Variants in LAMA2 observed in about 807,000 individuals in gnomAD.
LAMA2 encodes the protein laminin subunit alpha-2.
A neutral mutation model predicts 364.8 loss-of-function variants in LAMA2; 269 were observed. The ratio of observed to expected loss-of-function variants is 0.74; its 90% CI spans 0.67 to 0.82. The LOEUF (loss-of-function observed/expected upper bound fraction) is 0.82, where lower values mean the gene tolerates loss of function less well. Ranked by LOEUF, LAMA2 falls within the 40% of genes least tolerant of loss-of-function variation. The probability of loss-of-function intolerance (pLI) is 0.00; values close to 1 mark genes in which losing one functional copy is unlikely to be tolerated. For synonymous variants in LAMA2, 1,379 were observed against 1,370.6 expected (o/e 1.01, Z -0.14); for missense variants, 3,807 against 3,873.2 (o/e 0.98, Z 0.45).
intron 15 of LAMA2, among the ~76,000 whole-genome samples, chr6:129,264,725 T>C (rs569637392): frequency 2.6e-5 from 4 of 152,064 alleles, no homozygotes; most frequent in African/African-American, 9.6e-5. Context: ...AAAGAAATTG[T>C]GGGAGGAAAA....
At chr6:129,483,250 C>A (rs1467578487) in intron 55 of LAMA2, among the ~76,000 whole-genome samples, 1 of 151,230 alleles carries the variant, frequency 6.6e-6, no homozygotes, top group Non-Finnish European at 1.5e-5. Flanking sequence ...ACAAGTATTC[C>A]TGATTTAAAA....
At chr6:128,893,610 A>C (rs1268225594) in intron 1 of LAMA2, among the ~76,000 whole-genome samples, 1 of 151,990 alleles carries the variant, frequency 6.6e-6, no homozygotes, top group South Asian at 2.1e-4. Context: ...AGTAGCAAAG[A>C]GTAAGTATTC....
chr6:129,365,673 T>C (rs1777727792), intron 32 of LAMA2, among the ~76,000 whole-genome samples: 1 of 58,294 alleles, frequency 1.7e-5, no homozygotes, highest in Admixed American at 1.7e-4. Flanking sequence ...TTCTTTAGAC[T>C]TTTTTTTTTT....
chr6:129,457,839 T>C (rs534083417), intron 48 of LAMA2, among the ~76,000 whole-genome samples: 2 of 152,230 alleles, frequency 1.3e-5, no homozygotes, highest in East Asian at 3.9e-4. Context: ...CAGTTTTTCA[T>C]AGAAGGAGGC....
chr6:128,922,005 G>A (rs1052834496), intron 1 of LAMA2, among the ~76,000 whole-genome samples: 6 of 151,890 alleles, frequency 4.0e-5, no homozygotes, highest in Admixed American at 2.0e-4. Context: ...ATGATTTCCA[G>A]TTTCATCCAT....
In LAMA2 at chr6:129,427,838, A is replaced by AGCAAATGAT. The variant is rs1554295259; in HGVS notation, c.5954_5962dup (p.Ala1985_Asp1987dup). On this transcript the variant is annotated inframe_insertion, in exon 41 of 65. Coordinates refer to ENST00000421865, the MANE Select transcript of LAMA2 (RefSeq NM_000426.4). ...GGATTCTTAACGAAGCCAAGAAGTT[A>AGCAAATGAT]GCAAATGATGTAAAAGGTCAGTGTG... 4 of 1,612,052 alleles carry AGCAAATGAT rather than the reference A, an allele frequency of 2.5e-6. No individual in the cohort carries two copies.
intron 8 of LAMA2, among the ~76,000 whole-genome samples, chr6:129,159,758 C>T (rs567481189): frequency 6.6e-6 from 1 of 152,284 alleles, no homozygotes; most frequent in Non-Finnish European, 1.5e-5. Flanking sequence ...CACCCTTTAT[C>T]AGATTCAGTA....
intron 4 of LAMA2, among the ~76,000 whole-genome samples, chr6:129,105,925 A>G (rs1431897893): frequency 1.3e-5 from 2 of 152,164 alleles, no homozygotes. Flanking sequence ...TTGGATTGTC[A>G]CTAGACTGCT....
At chr6:129,357,023 G>T (rs1466003391) in intron 32 of LAMA2, among the ~76,000 whole-genome samples, 1 of 151,996 alleles carries the variant, frequency 6.6e-6, no homozygotes, top group Non-Finnish European at 1.5e-5. Flanking sequence ...GTTCTGAAGA[G>T]ATATTTTATT....
At chr6:129,174,578 C>T (rs1423443461) in intron 9 of LAMA2, among the ~76,000 whole-genome samples, 1 of 151,934 alleles carries the variant, frequency 6.6e-6, no homozygotes, top group Non-Finnish European at 1.5e-5. Flanking sequence ...CTTGAATTTA[C>T]ATGAAGTTAT....
chr6:128,904,465 T>TA (rs1156520740), intron 1 of LAMA2, among the ~76,000 whole-genome samples: 1 of 149,034 alleles, frequency 6.7e-6, no homozygotes, highest in Non-Finnish European at 1.5e-5. Context: ...TTTTTTTTTT[T>TA]TTTTTTTAAG....
At chr6:129,094,747 A>T (rs546845535) in intron 3 of LAMA2, among the ~76,000 whole-genome samples, 6 of 152,230 alleles carry the variant, frequency 3.9e-5, no homozygotes, top group African/African-American at 1.4e-4. Flanking sequence ...TGGAATATTT[A>T]CCTAGATTCT....
chr6:129,316,379 G>GA (rs564020680), intron 27 of LAMA2, among the ~76,000 whole-genome samples: 84 of 150,656 alleles, frequency 5.6e-4, no homozygotes, highest in African/African-American at 1.8e-3. Context: ...ACGTTAAAGG[G>GA]AAAAAAAAAT....
intron 29 of LAMA2, among the ~76,000 whole-genome samples, chr6:129,338,347 C>T (rs970949110): frequency 3.9e-5 from 6 of 152,204 alleles, no homozygotes; most frequent in African/African-American, 1.2e-4. Context: ...CCCCAGTTAA[C>T]ACTTATTCAT....
chr6:129,164,781 G>A (rs944691649), intron 8 of LAMA2, among the ~76,000 whole-genome samples: 1 of 152,168 alleles, frequency 6.6e-6, no homozygotes, highest in African/African-American at 2.4e-5. Flanking sequence ...AAAGGGATCA[G>A]TTAAGGCTGG....
At chr6:129,196,021 A>T (rs2115041838) in intron 12 of LAMA2, among the ~76,000 whole-genome samples, 1 of 152,328 alleles carries the variant, frequency 6.6e-6, no homozygotes, top group African/African-American at 2.4e-5. Context: ...CTGCATTACC[A>T]TTAAGGTTTG....
At chr6:129,267,249 T>C (rs773100289) in intron 16 of LAMA2, 30 bp downstream of exon 16, 4 of 1,415,700 alleles carry the variant, frequency 2.8e-6, no homozygotes, top group Admixed American at 3.4e-5. Flanking sequence ...GGGATGCTGA[T>C]TGACAAGGCT....
At chr6:128,904,623 T>A (rs1777304253) in intron 1 of LAMA2, among the ~76,000 whole-genome samples, 1 of 151,906 alleles carries the variant, frequency 6.6e-6, no homozygotes, top group Non-Finnish European at 1.5e-5. Context: ...CCTGGCTAAT[T>A]TATTCTTGTA....
intron 29 of LAMA2, among the ~76,000 whole-genome samples, chr6:129,331,350 C>G (rs1775640725): frequency 6.6e-6 from 1 of 151,938 alleles, no homozygotes; most frequent in Non-Finnish European, 1.5e-5. Flanking sequence ...TTCATACCTC[C>G]CCCTCCATCC....
Sources: gnomAD v4.1 joint callset for allele counts (sites outside exome capture counted in the v4.1 genomes callset) on GRCh38, gnomAD v4.1.1 for gene constraint, MANE v1.5 for transcripts, NCBI Gene and HGNC (gene_info 2026-07-23, HGNC 2026-07-21) for gene names.